The following AK5 variants were observed in gnomAD, a reference collection of about 807,000 sequenced individuals.
AK5 encodes the protein adenylate kinase 5.
In AK5, 27 loss-of-function variants were observed where a neutral mutation model predicts 69.5. The observed-to-expected ratio is 0.39, with a 90% CI of 0.29 to 0.54. AK5 has a LOEUF of 0.54. Among genes scored for constraint, AK5 ranks in the 20% least tolerant of loss-of-function variants. The pLI, the probability that AK5 is intolerant of heterozygous loss-of-function variation, is 0.71. For synonymous variants in AK5, 260 were observed against 244.4 expected, an observed-to-expected ratio of 1.06 and a Z score of -0.60; for missense variants, 531 against 700.4, an observed-to-expected ratio of 0.76 and a Z score of 2.73.
intron 5 of AK5, among the ~76,000 whole-genome samples, chr1:77,333,136 A>C (rs1037178833): frequency 6.6e-6 from 1 of 152,074 alleles, no homozygotes; most frequent in Non-Finnish European, 1.5e-5. Flanking sequence ...TCTGTTGTTT[A>C]GTGTCTTCAT....
chr1:77,454,269 C>G (rs1249274262), intron 8 of AK5, among the ~76,000 whole-genome samples: 2 of 152,182 alleles, frequency 1.3e-5, no homozygotes, highest in Admixed American at 6.5e-5. Flanking sequence ...TTCTCACTCT[C>G]CTGGCTGGGA....
chr1:77,517,067 T>TTA (rs757101372), intron 10 of AK5, among the ~76,000 whole-genome samples: 13 of 40,812 alleles, frequency 3.2e-4, no homozygotes, highest in South Asian at 2.3e-3. Flanking sequence ...CAAGACCATC[T>TTA]CAAAAAAAAA....
At chr1:77,555,462 C>T (rs1425619454) in intron 13 of AK5, among the ~76,000 whole-genome samples, 1 of 152,154 alleles carries the variant, frequency 6.6e-6, no homozygotes, top group Non-Finnish European at 1.5e-5. Context: ...ATGTAGTCAA[C>T]ACGTGCAAAG....
intron 1 of AK5, among the ~76,000 whole-genome samples, chr1:77,283,893 A>G (rs1570307027): frequency 6.6e-6 from 1 of 152,352 alleles, no homozygotes; most frequent in Admixed American, 6.5e-5. Context: ...CGTGATTGCA[A>G]AAATTCCTAC....
intron 13 of AK5, among the ~76,000 whole-genome samples, chr1:77,551,006 G>A (rs963969655): frequency 3.9e-5 from 6 of 152,060 alleles, no homozygotes; most frequent in Non-Finnish European, 7.4e-5. Flanking sequence ...GTGAAACCCC[G>A]TCTCTACTAA....
chr1:77,283,493 A>G, intron 1 of AK5: 1 of 985,436 alleles, frequency 1.0e-6, no homozygotes, highest in Non-Finnish European at 1.2e-6. Context: ...ACTTGAGAAA[A>G]TAATTTTGCC....
chr1:77,282,770 C>T (rs888838506), intron 1 of AK5: 100 of 1,007,616 alleles, frequency 9.9e-5, no homozygotes, highest in Non-Finnish European at 1.2e-4. Flanking sequence ...ACTGAGGGAG[C>T]CAGAGCCCTA....
intron 5 of AK5, 27 bp from the exon 6 acceptor site, chr1:77,340,350 C>T: frequency 1.3e-6 from 2 of 1,596,500 alleles, no homozygotes; most frequent in Non-Finnish European, 1.7e-6. Context: ...TGTTGAATGC[C>T]TCTCTATTTG....
intron 8 of AK5, among the ~76,000 whole-genome samples, chr1:77,450,851 T>G (rs1653099583): frequency 6.6e-6 from 1 of 152,234 alleles, no homozygotes. Flanking sequence ...TTCCTTATTT[T>G]GTTAAATTTA....
chr1:77,429,694 C>T (rs143300366), intron 8 of AK5, among the ~76,000 whole-genome samples: 2,549 of 152,148 alleles, frequency 0.017, 33 homozygotes, highest in African/African-American at 0.024. Flanking sequence ...CTCCTGACCT[C>T]GTGATCCGCC....
intron 8 of AK5, among the ~76,000 whole-genome samples, chr1:77,429,591 A>G (rs1651455941): frequency 6.6e-6 from 1 of 152,194 alleles, no homozygotes; most frequent in Non-Finnish European, 1.5e-5. Context: ...AAATAAAGTT[A>G]AAACTGTGAA....
At chr1:77,485,208 CTTTG>C (rs1298558720) in intron 9 of AK5, among the ~76,000 whole-genome samples, 5 of 152,312 alleles carry the variant, frequency 3.3e-5, no homozygotes, top group East Asian at 1.9e-4. Context: ...TAAAAATTCT[CTTTG>C]TTTGTTTGTT....
At chr1:77,308,206 A>G (rs1192776139) in intron 5 of AK5, among the ~76,000 whole-genome samples, 1 of 152,174 alleles carries the variant, frequency 6.6e-6, no homozygotes, top group African/African-American at 2.4e-5. Flanking sequence ...AGCCGCTTGC[A>G]GTGCATAGCG....
intron 5 of AK5, among the ~76,000 whole-genome samples, chr1:77,326,294 G>T (rs752922079): frequency 6.6e-6 from 1 of 152,142 alleles, no homozygotes; most frequent in Non-Finnish European, 1.5e-5. Flanking sequence ...CTTTGTGTTT[G>T]AGTGGTAAGA....
In AK5 at chr1:77,538,893, G is replaced by A. The variant is rs539075777; in HGVS notation, c.1620+2855G>A. The stretch of plus-strand genomic sequence containing the variant: ...ATCTTCCTTAGAGCTTTCTAAGTTA[G>A]TGGTGTCCAAAAGACCAGATTACAA... On this transcript the variant is annotated intron_variant, in intron 13 of 13. Coordinates refer to ENST00000354567, the MANE Select transcript of AK5 (RefSeq NM_174858.3). 7.9e-5 allele frequency among the ~76,000 whole-genome samples: 12 copies of A among 152,264 alleles called. No homozygotes were observed. The South Asian group carries it at 2.3e-3, about 29-fold the overall frequency.
At chr1:77,286,587 C>T (rs1248551049) in intron 1 of AK5, among the ~76,000 whole-genome samples, 1 of 151,858 alleles carries the variant, frequency 6.6e-6, no homozygotes, top group Non-Finnish European at 1.5e-5. Context: ...TGGCTCATGC[C>T]TGTAATCCCA....
At chr1:77,390,334 A>G (rs532332173) in intron 6 of AK5, among the ~76,000 whole-genome samples, 1 of 152,356 alleles carries the variant, frequency 6.6e-6, no homozygotes, top group Admixed American at 6.5e-5. Context: ...GGTTTACAAA[A>G]CACAGATGCA....
At chr1:77,322,005 A>G (rs1660560654) in intron 5 of AK5, among the ~76,000 whole-genome samples, 2 of 152,218 alleles carry the variant, frequency 1.3e-5, no homozygotes, top group South Asian at 2.1e-4. Flanking sequence ...TTTATGTACT[A>G]TGAAAACAGG....
At chr1:77,391,113 G>A (rs1375588441) in intron 6 of AK5, among the ~76,000 whole-genome samples, 1 of 152,112 alleles carries the variant, frequency 6.6e-6, no homozygotes, top group Non-Finnish European at 1.5e-5. Context: ...GAAGGGAAAA[G>A]CAGAAGGGAG....
Sources: allele counts gnomAD v4.1 joint callset (sites outside exome capture counted in the v4.1 genomes callset), GRCh38; gene constraint gnomAD v4.1.1; transcripts MANE v1.5; gene names NCBI Gene and HGNC (gene_info 2026-07-23, HGNC 2026-07-21).